Variants in CFAP47 observed in about 807,000 individuals in gnomAD.
The protein encoded by CFAP47 is cilia and flagella associated protein 47.
Under a neutral mutation model 148.1 loss-of-function variants are expected in CFAP47, and 29 were observed. The observed-to-expected ratio is 0.20, with a 90% CI of 0.15 to 0.27. The LOEUF is 0.27. Among genes scored for constraint, CFAP47 ranks in the 10% least tolerant of loss-of-function variants. The probability of loss-of-function intolerance (pLI) is 1.00; values close to 1 mark genes in which losing one functional copy is unlikely to be tolerated. For missense variants in CFAP47, 1,872 were observed against 1,697.5 expected (o/e 1.10, Z -1.81); for synonymous variants, 664 against 577.3 (o/e 1.15, Z -2.15).
intron 15 of CFAP47, among the ~76,000 whole-genome samples, chrX:35,977,360 C>A (rs6629026): frequency 0.15 from 16,545 of 111,337 alleles, 1,226 homozygotes; most frequent in East Asian, 0.3. Flanking sequence ...TCTCTAATGC[C>A]TGGCAAAGAG....
At position 36,384,096 on chromosome X, in the gene CFAP47, T is replaced by G. The variant is rs1430121717; in HGVS notation, c.9355-701T>G. Among the ~76,000 whole-genome samples, 6 of 111,440 alleles carry G rather than the reference T, an allele frequency of 5.4e-5. No individual in the cohort carries two copies. The Admixed American group carries it at 5.8e-4, about 11-fold the overall frequency. On this transcript the variant is annotated intron_variant, in intron 63 of 63. Transcript: ENST00000378653. The stretch of plus-strand genomic sequence containing the variant: ...TGGCTCAAGCCTGTAATCTGAGCAC[T>G]TTGGGAGGCCAAGGAGGGTGGATGA...
At chrX:36,256,167 G>A (rs1285048609) in intron 49 of CFAP47, among the ~76,000 whole-genome samples, 6 of 112,103 alleles carry the variant, frequency 5.4e-5, no homozygotes, top group Non-Finnish European at 1.1e-4. Context: ...GTAATGGCCT[G>A]TTACTTATTT....
In CFAP47 at chrX:36,184,678, A is replaced by T. The variant is rs889570016; in HGVS notation, c.6105-3942A>T. 9.8e-5 allele frequency among the ~76,000 whole-genome samples: 11 copies of T among 112,312 alleles called. No homozygotes were observed. In the East Asian group the frequency reaches 2.5e-3, roughly 26 times the overall value. ...ACTGGTTGCAGTGGCTCATGCCTGT[A>T]ATCCCAGCACTTTGGGAGGCTGGGG... On this transcript the variant is annotated intron_variant, in intron 40 of 63. Transcript: ENST00000378653.
At chrX:36,152,624 C>T (rs1217485953) in intron 37 of CFAP47, among the ~76,000 whole-genome samples, 1 of 111,543 alleles carries the variant, frequency 9.0e-6, no homozygotes, top group East Asian at 2.8e-4. Context: ...CTTCCTTGTT[C>T]CTAGCCACCT....
chrX:36,225,258 A>G (rs1380487409), intron 45 of CFAP47, among the ~76,000 whole-genome samples: 3 of 111,799 alleles, frequency 2.7e-5, no homozygotes, highest in Non-Finnish European at 5.7e-5. Flanking sequence ...AATTTTAAAA[A>G]CTTACAAATC....
intron 57 of CFAP47, among the ~76,000 whole-genome samples, chrX:36,328,552 T>A (rs1941536316): frequency 9.0e-6 from 1 of 111,229 alleles, no homozygotes; most frequent in Non-Finnish European, 1.9e-5. Context: ...GGCTCACGCC[T>A]GTAATCCCAG....
chrX:36,304,392 C>CAAA (rs34996225), intron 54 of CFAP47, among the ~76,000 whole-genome samples: 1 of 80,829 alleles, frequency 1.2e-5, no homozygotes, highest in African/African-American at 4.2e-5. Flanking sequence ...CAAAAGTAAT[C>CAAA]AAAAAAAAAA....
chrX:36,247,100 A>G (rs1249850611), intron 48 of CFAP47, among the ~76,000 whole-genome samples: 7 of 111,869 alleles, frequency 6.3e-5, no homozygotes, highest in African/African-American at 1.6e-4. Flanking sequence ...ATTCATAAAA[A>G]GGAACAGCAT....
chrX:36,057,984 A>G (rs183898107), intron 26 of CFAP47, among the ~76,000 whole-genome samples: 1 of 112,084 alleles, frequency 8.9e-6, no homozygotes, highest in East Asian at 2.8e-4. Context: ...AGGAAGTTGG[A>G]TTTAATTCTT....
Position 36,245,500 on chromosome X carries a change from A to G in CFAP47, c.7333-5833A>G, listed in dbSNP as rs782141460. ...AAACTTTAATAGAGTTTTAGGATAA[A>G]CAAATAGAAGTATGAACATCAGTAG... On this transcript the variant is annotated intron_variant, in intron 48 of 63. Transcript: ENST00000378653. Among the ~76,000 whole-genome samples the G allele has an allele frequency of 2.7e-5, 3 of 112,324 alleles. No individual in the cohort carries two copies. In the South Asian group the frequency reaches 1.1e-3, roughly 41 times the overall value.
chrX:36,279,041 A>G (rs1941049732), intron 49 of CFAP47, among the ~76,000 whole-genome samples: 1 of 111,642 alleles, frequency 9.0e-6, no homozygotes, highest in Non-Finnish European at 1.9e-5. Context: ...CCCCCCAGAA[A>G]CAAGTTAAAA....
chrX:36,155,171 A>C (rs1193721866), intron 37 of CFAP47, among the ~76,000 whole-genome samples: 1 of 110,674 alleles, frequency 9.0e-6, no homozygotes, highest in African/African-American at 3.3e-5. Flanking sequence ...TCTTAAATTG[A>C]GGTACCATAT....
In CFAP47 at chrX:36,009,038, T is replaced by A. The variant is rs750326295; in HGVS notation, c.3418-5736T>A. ...GCCTCACACTTCCTTTTTCTTCACA[T>A]TTCTGTTGATGTGGAAGAAACTAAG... On this transcript the variant is annotated intron_variant, in intron 21 of 63. Transcript: ENST00000378653. Among the ~76,000 whole-genome samples the A allele has an allele frequency of 2.7e-5, 3 of 111,033 alleles. No homozygotes were observed. In the South Asian group the frequency reaches 1.1e-3, roughly 42 times the overall value.
At chrX:36,065,917 C>T (rs771656269) in intron 27 of CFAP47, among the ~76,000 whole-genome samples, 174 bp downstream of exon 27, 11 of 111,901 alleles carry the variant, frequency 9.8e-5, no homozygotes, top group Admixed American at 2.8e-4. Flanking sequence ...CAAAAGTTGA[C>T]GATCTAGTTT....
intron 33 of CFAP47, among the ~76,000 whole-genome samples, chrX:36,110,052 T>TTCTGTAGGTTGTCCGTTTAC (rs1468675617): frequency 1.8e-5 from 2 of 111,675 alleles, no homozygotes; most frequent in Non-Finnish European, 3.8e-5. Context: ...TTTTCTCCCA[T>TTCTGTAGGTTGTCCGTTTAC]TCTGTAGGTT....
chrX:36,111,359 T>G (rs753478137), intron 33 of CFAP47, among the ~76,000 whole-genome samples: 1 of 112,367 alleles, frequency 8.9e-6, no homozygotes, highest in East Asian at 2.8e-4. Context: ...ATTAAGATAA[T>G]CATGCACTTT....
rs768935507 is a variant in CFAP47, at chrX:36,167,609, C to T, written c.6026+6840C>T. On this transcript the variant is annotated intron_variant, in intron 39 of 63. Coordinates refer to ENST00000378653, the MANE Select transcript of CFAP47 (RefSeq NM_001304548.2). ...TCAACTGCGCTTGCCCAGAACCTAG[C>T]CTTAGCAACATGTACTGAGGTGAAG... 9.9e-5 allele frequency among the ~76,000 whole-genome samples: 11 copies of T among 111,347 alleles called. No homozygotes were observed. In the South Asian group the frequency reaches 3.4e-3, roughly 34 times the overall value.
intron 32 of CFAP47, among the ~76,000 whole-genome samples, chrX:36,100,397 C>A (rs144889354): frequency 8.9e-6 from 1 of 111,966 alleles, no homozygotes; most frequent in Admixed American, 9.5e-5. Context: ...AAGATTCATA[C>A]AACTATAGGC....
At chrX:36,063,945 A>T (rs1429402398) in intron 26 of CFAP47, among the ~76,000 whole-genome samples, 1 of 112,396 alleles carries the variant, frequency 8.9e-6, no homozygotes, top group Non-Finnish European at 1.9e-5. Flanking sequence ...TGAAACTTCC[A>T]TACCCACAGG....
Sources: gnomAD v4.1 joint callset for allele counts (sites outside exome capture counted in the v4.1 genomes callset) on GRCh38, gnomAD v4.1.1 for gene constraint, MANE v1.5 for transcripts, NCBI Gene and HGNC (gene_info 2026-07-23, HGNC 2026-07-21) for gene names.